Variants in PTOV1 observed in about 807,000 individuals in gnomAD.
PTOV1 encodes prostate tumor-overexpressed gene 1 protein.
In PTOV1, 20 loss-of-function variants were observed where a neutral mutation model predicts 58.0. The observed-to-expected ratio is 0.34, with a 90% CI of 0.24 to 0.50. The LOEUF (loss-of-function observed/expected upper bound fraction) is 0.50. PTOV1 is among the 20% of genes least tolerant of loss of function. PTOV1 has a pLI of 0.98. For missense variants in PTOV1, 593 were observed against 565.4 expected (o/e 1.05, Z -0.50); for synonymous variants, 335 against 234.2 (o/e 1.43, Z -3.93).
intron 1 of PTOV1, 64 bp from the exon 2 acceptor site, chr19:49,854,342 G>C: frequency 3.2e-6 from 5 of 1,560,986 alleles, no homozygotes; most frequent in Non-Finnish European, 4.4e-6. Context: ...TGGGGTGTGT[G>C]GGGACTGCCT....
chr19:49,858,299 G>A, intron 9 of PTOV1, 185 bp downstream of exon 9: 2 of 831,746 alleles, frequency 2.4e-6, no homozygotes, highest in Non-Finnish European at 3.7e-6. Context: ...GCAGCCAGCT[G>A]GTGGCTGTGC....
chr19:49,854,374 A>G, intron 1 of PTOV1, 32 bp from the exon 2 acceptor site: 1 of 1,588,830 alleles, frequency 6.3e-7, no homozygotes. Flanking sequence ...CCCCGGCCTC[A>G]GTTTTCCCAC....
At chr19:49,859,938 C>CT (rs777112176) in intron 10 of PTOV1, 48 bp from the exon 11 acceptor site, 2 of 1,594,536 alleles carry the variant, frequency 1.3e-6, no homozygotes, top group African/African-American at 2.7e-5. Flanking sequence ...TGGAGGGATG[C>CT]TGGTCCCTGT....
chr19:49,854,819 T>G lies in PTOV1; in HGVS notation c.393-12T>G, dbSNP rs1166509980. The G allele has an allele frequency of 6.2e-7, 1 of 1,613,258 alleles. No individual in the cohort carries two copies. The highest frequency in any genetic ancestry group is 1.1e-5 in the South Asian group (1 of 91,086). On this transcript the variant is annotated splice_polypyrimidine_tract_variant and intron_variant, in intron 3 of 11. Transcript: ENST00000391842. ...ATCAGGGCAGCCCTTTCTGACCAGC[T>G]CCTTCCCATAGGGAGACCGACCAGT...
In PTOV1 at chr19:49,857,691, AGGCAGTG is replaced by A; in HGVS notation, c.716_722del (p.Ala239AspfsTer47). ...TCTTCCCACCCCGTTCCCTTCCAAC[AGGCAGTG>A]GGACCTGGTGGTGTCAACTCAGGCC... On this transcript the variant is annotated splice_acceptor_variant and coding_sequence_variant, in exon 7 of 12. Transcript: ENST00000391842. LOFTEE classifies it high-confidence loss of function. 1 of 1,613,834 alleles carries A rather than the reference AGGCAGTG, an allele frequency of 6.2e-7. No homozygotes were observed. Among genetic ancestry groups the A allele is most frequent in the Non-Finnish European group, 8.5e-7 (1 of 1,179,848 alleles).
chr19:49,858,215 T>G, intron 9 of PTOV1, 101 bp downstream of exon 9: 1 of 1,422,448 alleles, frequency 7.0e-7, no homozygotes, highest in South Asian at 1.3e-5. Flanking sequence ...GAGCTGGCTG[T>G]GAGGGAGCGG....
chr19:49,860,311 C>T, exon 12 of PTOV1: 2 of 1,609,450 alleles, frequency 1.2e-6, no homozygotes, highest in Non-Finnish European at 1.7e-6. Context: ...CTCCAGGAGT[C>T]ACAGATGAGG....
intron 1 of PTOV1, chr19:49,853,002 A>G (rs1036789737): frequency 6.6e-6 from 1 of 152,202 alleles, no homozygotes; most frequent in Non-Finnish European, 1.5e-5. Flanking sequence ...CAGGTTTTCT[A>G]TCTGATCTTC....
intron 5 of PTOV1, 112 bp from the exon 6 acceptor site, chr19:49,856,863 C>T: frequency 7.5e-7 from 1 of 1,329,704 alleles, no homozygotes. Flanking sequence ...CTGTGGGGGC[C>T]TCTGTCCACC....
At chr19:49,851,120 G>A, upstream of PTOV1, 2 of 1,350,524 alleles carry the variant, frequency 1.5e-6, no homozygotes, top group South Asian at 3.5e-5. Context: ...ACGCCCCCTC[G>A]GACGCGCTTG....
At chr19:49,854,275 C>T in intron 1 of PTOV1, 131 bp from the exon 2 acceptor site, 1 of 1,238,494 alleles carries the variant, frequency 8.1e-7, no homozygotes, top group African/African-American at 1.5e-5. Context: ...AGGGTTTGGA[C>T]ATGGCCCCGT....
chr19:49,858,166 G>A (rs1489296407), intron 9 of PTOV1, 52 bp downstream of exon 9: 1 of 1,589,284 alleles, frequency 6.3e-7, no homozygotes, highest in African/African-American at 1.3e-5. Flanking sequence ...CTCTTCCAGA[G>A]GGCGGGGCTG....
intron 1 of PTOV1, among the ~76,000 whole-genome samples, chr19:49,853,859 G>A (rs2053994250): frequency 6.6e-6 from 1 of 152,190 alleles, no homozygotes; most frequent in Admixed American, 6.5e-5. Flanking sequence ...CCCGGGGTCA[G>A]ACTTATAAGG....
At chr19:49,857,635 G>A (rs1027452062) in intron 6 of PTOV1, 58 bp from the exon 7 acceptor site, 37 of 1,517,644 alleles carry the variant, frequency 2.4e-5, no homozygotes, top group Non-Finnish European at 3.4e-5. Context: ...CCCCAGGACA[G>A]ACAGACAGGT....
chr19:49,855,185 G>A (rs997670774), intron 5 of PTOV1, 108 bp downstream of exon 5: 1 of 1,125,116 alleles, frequency 8.9e-7, no homozygotes, highest in Non-Finnish European at 1.3e-6. Flanking sequence ...CTGGGGCCGA[G>A]GGTAGCCCTC....
exon 2 of PTOV1, chr19:49,854,441 C>T (rs761212020): frequency 2.3e-5 from 37 of 1,611,750 alleles, no homozygotes; most frequent in Non-Finnish European, 2.9e-5. Context: ...TGGGTCCCAT[C>T]GGTCCCTCCT....
exon 10 of PTOV1, chr19:49,858,596 C>T (rs1323982578): frequency 1.2e-6 from 2 of 1,607,012 alleles, no homozygotes; most frequent in East Asian, 2.2e-5. Flanking sequence ...TCCAGTTCCA[C>T]TTCACCAAGG....
At chr19:49,856,611 A>G (rs2074479136) in intron 5 of PTOV1, 1 of 265,590 alleles carries the variant, frequency 3.8e-6, no homozygotes, top group Non-Finnish European at 7.3e-6. Context: ...TCACACAGCT[A>G]GGAGGCAGCA....
At chr19:49,855,026 C>T (rs1350827327) in exon 5 of PTOV1, 3 of 1,602,004 alleles carry the variant, frequency 1.9e-6, no homozygotes, top group Non-Finnish European at 2.6e-6. Flanking sequence ...ACTTCACCAA[C>T]AGAGACTGCG....
Sources: gnomAD v4.1 joint callset for allele counts (sites outside exome capture counted in the v4.1 genomes callset) on GRCh38, gnomAD v4.1.1 for gene constraint, MANE v1.5 for transcripts, NCBI Gene and HGNC (gene_info 2026-07-23, HGNC 2026-07-21) for gene names.